The following AMOT variants were observed in gnomAD, a reference collection of about 807,000 sequenced individuals.
AMOT encodes the protein angiomotin.
In AMOT, 11 loss-of-function variants were observed where a neutral mutation model predicts 67.0. The observed-to-expected ratio is 0.16, with a 90% confidence interval of 0.10 to 0.27. The LOEUF is 0.27. AMOT is among the 10% of genes least tolerant of loss of function. The pLI is 1.00. For missense variants in AMOT, 753 were observed against 852.0 expected (o/e 0.88, Z 1.45); for synonymous variants, 326 against 321.4 (o/e 1.01, Z -0.15).
At position 112,790,669 on chromosome X, in the gene AMOT, C is replaced by T. The variant is rs761253480; in HGVS notation, c.2040G>A (p.Lys680=). ...TCTCCTCCAAATATTTCTGCTCCCA[C>T]TTTGTCATATCAGCTTCCAGAGCCA... ...RILALEADMT[K]WEQKYLEENV... Residue 680 remains lysine (K), a synonymous_variant, in exon 10 of 14, where the codon AAG becomes AAA. Coordinates refer to ENST00000371959, the MANE Select transcript of AMOT (RefSeq NM_001113490.2). 8.3e-7 allele frequency: 1 copy of T among 1,211,365 alleles called. No individual in the cohort carries two copies. The highest frequency in any genetic ancestry group is 1.8e-5 in the South Asian group (1 of 56,831).
chrX:112,800,629 A>G (rs1352385345), intron 8 of AMOT, among the ~76,000 whole-genome samples: 2 of 112,553 alleles, frequency 1.8e-5, no homozygotes, highest in South Asian at 3.7e-4. Flanking sequence ...GAAATTGGTT[A>G]TGATGCTTTG....
rs779933000 is a variant in AMOT, at chrX:112,779,185, GGAGCTGGAACCGGAACCA to G, written c.2951_2968del (p.Leu984_Ala989del). On this transcript the variant is annotated inframe_deletion, in exon 13 of 14. Transcript: ENST00000371959. The stretch of plus-strand genomic sequence containing the variant: ...AGGAGCAGAAGCCTGAGCCGCTGCT[GGAGCTGGAACCGGAACCA>G]GAGCCGGAGCTGGAACTGGAGCCGG... 6.1e-6 allele frequency: 5 copies of G among 824,260 alleles called. No homozygotes were observed. The highest frequency in any genetic ancestry group is 2.8e-4 in the Middle Eastern group (1 of 3,517). 67.9% of individuals were successfully genotyped at this position (824,260 alleles called of 1,213,427 possible). A position where few individuals can be genotyped will look rare whatever the true frequency, so the allele number is the denominator to read the frequency against.
At chrX:112,804,571 T>C (rs1413426297) in intron 8 of AMOT, among the ~76,000 whole-genome samples, 2 of 111,817 alleles carry the variant, frequency 1.8e-5, no homozygotes, top group African/African-American at 6.5e-5. Context: ...AATTAAAATA[T>C]ACATCTATAC....
intron 1 of AMOT, among the ~76,000 whole-genome samples, chrX:112,833,900 T>C (rs1935067530): frequency 8.9e-6 from 1 of 112,504 alleles, no homozygotes; most frequent in Admixed American, 9.4e-5. Flanking sequence ...ATGTCACTAA[T>C]TCAATGCAAA....
chrX:112,781,179 C>A, intron 11 of AMOT, 61 bp from the exon 12 acceptor site: 3 of 1,059,523 alleles, frequency 2.8e-6, no homozygotes, highest in Non-Finnish European at 3.9e-6. Context: ...CGGTGGCTTA[C>A]GCCTGTAATC....
intron 2 of AMOT, among the ~76,000 whole-genome samples, chrX:112,830,379 G>A (rs1934957639): frequency 8.9e-6 from 1 of 112,526 alleles, no homozygotes; most frequent in South Asian, 3.7e-4. Flanking sequence ...ATTAAGACAT[G>A]TAAATTGCTT....
At position 112,791,732 on chromosome X, in the gene AMOT, C is replaced by CT. The variant is rs59935204; in HGVS notation, c.1926+99dup. ...AAATGTAAAAATGAGCAAGTGTGTG[C>CT]TTTCAGTGTTCATGTCAAATGCTAA... On this transcript the variant is annotated intron_variant, in intron 9 of 13. Transcript: ENST00000371959. The CT allele has an allele frequency of 1.6e-3, 1,631 of 1,036,948 alleles. 19 individuals are homozygous for CT. The African/African-American group carries it at 0.026, about 16-fold the overall frequency. The allele number at this position is 1,036,948 out of a possible 1,213,427, so 85.5% of individuals were successfully genotyped here.
In AMOT at chrX:112,821,024, A is replaced by C. The variant is rs770063016; in HGVS notation, c.872+1231T>G. ...TCCAAAGTGAATTGCCTCTGGCTAC[A>C]AAAACAGGACCTGCAGGGGAAAAAA... On this transcript the variant is annotated intron_variant, in intron 4 of 13. Coordinates refer to ENST00000371959, the MANE Select transcript of AMOT (RefSeq NM_001113490.2). 1.4e-4 allele frequency among the ~76,000 whole-genome samples: 15 copies of C among 106,621 alleles called. No homozygotes were observed. In the South Asian group the frequency reaches 6.3e-3, roughly 45 times the overall value. 92.6% of individuals were successfully genotyped at this position (106,621 alleles called of 115,157 possible).
In AMOT at chrX:112,790,715, C is replaced by T. The variant is rs1289946119; in HGVS notation, c.1994G>A (p.Arg665Gln). 2.5e-6 allele frequency: 3 copies of T among 1,209,037 alleles called. No individual in the cohort carries two copies. The highest frequency in any genetic ancestry group is 2.2e-5 in the Admixed American group (1 of 45,648). The change falls in exon 10 of 14, where the codon CGG becomes CAG. Residue 665 changes from arginine (R) to glutamine (Q), a missense_variant. By Grantham distance (43) the Arg-to-Gln change is conservative (BLOSUM62 1). This residue lies in a region of AMOT where 66 missense variants were observed against 112.9 expected (regional missense o/e 0.58). Transcript: ENST00000371959. ...YNAAALMELL[R>Q]EKEERILALE... ...AGCCAGAATCCTCTCCTCTTTCTCC[C>T]GAAGGAGCTCCATCAGTGCAGCAGC...
chrX:112,804,906 CTCCCA>C, intron 8 of AMOT, 36 bp downstream of exon 8: 6 of 1,047,955 alleles, frequency 5.7e-6, no homozygotes, highest in Non-Finnish European at 7.9e-6. Flanking sequence ...TTTCCCAGCC[CTCCCA>C]CCCCCAGGCT....
rs768946651 is a variant in AMOT at position 112,797,424 on chromosome X, C to A, written c.1777-5443G>T. Among the ~76,000 whole-genome samples the A allele has an allele frequency of 2.0e-4, 22 of 111,119 alleles. No individual in the cohort carries two copies. The East Asian group carries it at 2.3e-3, about 11-fold the overall frequency. Reference sequence around the variant, plus strand: ...CACAGACACACAGACACACACACACCCACCCATGAGTCCATCCTATAGACA... The same window carrying A: ...CACAGACACACAGACACACACACACACACCCATGAGTCCATCCTATAGACA... On this transcript the variant is annotated intron_variant, in intron 8 of 13. Transcript: ENST00000371959.
chrX:112,796,761 G>A (rs1602775083), intron 8 of AMOT, among the ~76,000 whole-genome samples: 1 of 111,452 alleles, frequency 9.0e-6, no homozygotes, highest in Non-Finnish European at 1.9e-5. Context: ...CTCAACTGGG[G>A]GCAATCCCCC....
Position 112,781,031 on chromosome X carries a change from T to C in AMOT, c.2328A>G (p.Thr776=), listed in dbSNP as rs1933144572. The C allele has an allele frequency of 8.2e-7, 1 of 1,212,242 alleles. No individual in the cohort carries two copies. Among genetic ancestry groups the C allele is most frequent in the South Asian group, 1.8e-5 (1 of 57,025 alleles). The change falls in exon 12 of 14, where the codon ACA becomes ACG. Residue 776 remains threonine (T), a synonymous_variant. Transcript: ENST00000371959. The stretch of plus-strand genomic sequence containing the variant: ...CTGGCCGCATGCACGACAGCTGCTC[T>C]GTCTTGCTCGGCTCCTTCCGGGAAC... ...QQRSRKEPSK[T]EQLSCMRPAK... is the part of the protein sequence containing the mutation.
intron 1 of AMOT, among the ~76,000 whole-genome samples, chrX:112,834,441 G>C (rs762592217): frequency 9.0e-6 from 1 of 111,674 alleles, no homozygotes; most frequent in African/African-American, 3.3e-5. Context: ...TGATAGGGGG[G>C]CGGCACAGTT....
At chrX:112,801,038 C>T (rs1933997385) in intron 8 of AMOT, among the ~76,000 whole-genome samples, 1 of 111,550 alleles carries the variant, frequency 9.0e-6, no homozygotes, top group Admixed American at 9.5e-5. Context: ...GCAGCCCACC[C>T]GCAGCATCTT....
intron 4 of AMOT, among the ~76,000 whole-genome samples, chrX:112,817,530 A>C (rs1246217936): frequency 8.9e-6 from 1 of 111,746 alleles, no homozygotes; most frequent in Non-Finnish European, 1.9e-5. Flanking sequence ...AGAGATCTTA[A>C]CTATAAGGGC....
At chrX:112,797,764 G>T (rs1053013655) in intron 8 of AMOT, among the ~76,000 whole-genome samples, 1 of 109,622 alleles carries the variant, frequency 9.1e-6, no homozygotes, top group African/African-American at 3.3e-5. Flanking sequence ...CTGGGCGACA[G>T]AGAGAGACTC....
At chrX:112,787,025 A>T (rs866234515) in intron 10 of AMOT, among the ~76,000 whole-genome samples, 1 of 111,682 alleles carries the variant, frequency 9.0e-6, no homozygotes, top group South Asian at 3.8e-4. Context: ...GATAAAGGGC[A>T]ATGCCAGCAC....
intron 2 of AMOT, among the ~76,000 whole-genome samples, chrX:112,828,291 G>A (rs932553478): frequency 1.9e-5 from 2 of 106,966 alleles, no homozygotes; most frequent in Non-Finnish European, 1.9e-5. Flanking sequence ...TTTAAATCCT[G>A]GATGTATGGC....
Sources: allele counts gnomAD v4.1 joint callset (sites outside exome capture counted in the v4.1 genomes callset), GRCh38; gene constraint gnomAD v4.1.1; regional missense constraint gnomAD v4.1.1; transcripts MANE v1.5; gene names NCBI Gene and HGNC (gene_info 2026-07-23, HGNC 2026-07-21).